ZNF407: variants seen among roughly 807,000 people sequenced by gnomAD.
The protein encoded by ZNF407 is zinc finger protein 407.
In ZNF407, 17 loss-of-function variants were observed where a neutral mutation model predicts 131.2. That is an observed-to-expected ratio of 0.13 (90% CI 0.09 to 0.19). The LOEUF (loss-of-function observed/expected upper bound fraction) is 0.19, where lower values mean the gene tolerates loss of function less well. Ranked by LOEUF, ZNF407 falls within the 10% of genes least tolerant of loss-of-function variation. ZNF407 has a pLI of 1.00. For synonymous variants in ZNF407, 1,156 were observed against 1,062.0 expected (o/e 1.09, Z -1.72); for missense variants, 2,681 against 2,830.6 (o/e 0.95, Z 1.20).
intron 1 of ZNF407, among the ~76,000 whole-genome samples, chr18:74,625,323 G>A (rs1983739612): frequency 6.6e-6 from 1 of 151,506 alleles, no homozygotes; most frequent in Non-Finnish European, 1.5e-5. Context: ...CAGAGTGTTC[G>A]CTCTAAGCAA....
intron 3 of ZNF407, among the ~76,000 whole-genome samples, chr18:74,779,107 A>ATG (rs1164567395): frequency 4.2e-5 from 1 of 23,556 alleles, no homozygotes; most frequent in East Asian, 5.7e-3. Flanking sequence ...ATATATATAT[A>ATG]TATTTTTTTT....
At chr18:74,951,092 C>T (rs1972208396) in intron 8 of ZNF407, among the ~76,000 whole-genome samples, 2 of 152,146 alleles carry the variant, frequency 1.3e-5, no homozygotes, top group African/African-American at 4.8e-5. Flanking sequence ...GGTAGCAGGG[C>T]AGCACACAAG....
chr18:74,713,605 T>C (rs1027031355), intron 3 of ZNF407, among the ~76,000 whole-genome samples: 22 of 152,160 alleles, frequency 1.4e-4, no homozygotes, highest in African/African-American at 5.1e-4. Flanking sequence ...AATAACTCTT[T>C]TGGTTTTATT....
At chr18:74,965,749 G>A (rs1340094750) in intron 8 of ZNF407, among the ~76,000 whole-genome samples, 1 of 152,120 alleles carries the variant, frequency 6.6e-6, no homozygotes, top group Admixed American at 6.5e-5. Flanking sequence ...ACTGTTCTCT[G>A]TAGTGGTTAT....
chr18:74,641,284 T>G (rs564690646), intron 3 of ZNF407, among the ~76,000 whole-genome samples, 162 bp downstream of exon 3: 4 of 152,312 alleles, frequency 2.6e-5, no homozygotes, highest in African/African-American at 9.6e-5. Context: ...AGTTATGACA[T>G]TCTTCTCCCA....
At chr18:74,759,546 C>T (rs1969044406) in intron 3 of ZNF407, among the ~76,000 whole-genome samples, 1 of 151,402 alleles carries the variant, frequency 6.6e-6, no homozygotes, top group African/African-American at 2.4e-5. Context: ...CCTTGTTATT[C>T]TCCTTTTTCA....
chr18:74,654,945 A>T (rs534229582), intron 3 of ZNF407, among the ~76,000 whole-genome samples: 2 of 151,996 alleles, frequency 1.3e-5, no homozygotes, highest in South Asian at 4.2e-4. Flanking sequence ...TTCTTATTTC[A>T]CGTGCTTAGT....
rs987701880 is a variant in ZNF407 at position 74,899,731 on chromosome 18, C to T, written c.5249+9693C>T. On this transcript the variant is annotated intron_variant, in intron 7 of 8. Coordinates refer to ENST00000299687, the MANE Select transcript of ZNF407 (RefSeq NM_017757.3). The stretch of plus-strand genomic sequence containing the variant: ...ACCTCCAGGAAAGAGAGGTGTCATA[C>T]ACCAAGCAAAGAGTGGGCGGCGTGC... Among the ~76,000 whole-genome samples the T allele has an allele frequency of 3.2e-4, 49 of 152,284 alleles. 1 individual carries two copies. Among genetic ancestry groups the T allele is most frequent in the African/African-American group, 1.2e-3 (48 of 41,572 alleles).
intron 8 of ZNF407, among the ~76,000 whole-genome samples, chr18:75,050,498 G>A (rs983920718): frequency 1.1e-4 from 16 of 152,172 alleles, no homozygotes; most frequent in African/African-American, 3.9e-4. Flanking sequence ...TAGCCAAAGG[G>A]TCAGCATCTG....
intron 3 of ZNF407, among the ~76,000 whole-genome samples, chr18:74,695,542 G>GAA (rs577868036): frequency 7.9e-6 from 1 of 126,796 alleles, no homozygotes; most frequent in African/African-American, 2.9e-5. Flanking sequence ...CTGATTTAAA[G>GAA]AAAAAAAAAA....
intron 8 of ZNF407, among the ~76,000 whole-genome samples, chr18:74,964,024 T>A (rs929674143): frequency 1.3e-5 from 2 of 152,198 alleles, no homozygotes; most frequent in African/African-American, 4.8e-5. Flanking sequence ...GGAACAGTAA[T>A]GTCTTTTCCA....
At chr18:74,759,024 C>T (rs565702589) in intron 3 of ZNF407, among the ~76,000 whole-genome samples, 62 of 152,256 alleles carry the variant, frequency 4.1e-4, no homozygotes, top group Non-Finnish European at 8.1e-4. Flanking sequence ...TACAGCAGGT[C>T]TGGCTGATGG....
At chr18:75,030,664 T>C (rs1295042219) in intron 8 of ZNF407, among the ~76,000 whole-genome samples, 3 of 152,176 alleles carry the variant, frequency 2.0e-5, no homozygotes, top group East Asian at 1.9e-4. Flanking sequence ...CTGGAAGTAG[T>C]GGCCACAGAA....
At chr18:74,923,175 A>C (rs1599245851) in intron 8 of ZNF407, among the ~76,000 whole-genome samples, 1 of 152,172 alleles carries the variant, frequency 6.6e-6, no homozygotes, top group South Asian at 2.1e-4. Flanking sequence ...ACTATATGTG[A>C]GTTCTAATTT....
In ZNF407 at chr18:75,063,858, C is replaced by A; in HGVS notation, c.6137C>A (p.Ala2046Asp). The A allele has an allele frequency of 2.5e-6, 4 of 1,610,910 alleles. No homozygotes were observed. The highest frequency in any genetic ancestry group is 3.4e-6 in the Non-Finnish European group (4 of 1,179,440). The change falls in exon 9 of 9, where the codon GCC becomes GAC. Residue 2046 changes from alanine (A) to aspartate (D), a missense_variant. Around this residue, in one of 6 missense-constraint regions of ZNF407, gnomAD observed 620 missense variants for 583.1 expected, o/e 1.06. Transcript: ENST00000299687. The surrounding 1 kb of genome is among the most constrained non-coding windows in gnomAD (Gnocchi z 6.6). ...EAPEIQMFPQ[A>D]QESPAAVEVL... ...CCCGAGATCCAGATGTTCCCACAGG[C>A]CCAGGAGAGCCCGGCCGCCGTGGAG... is the stretch of plus-strand genomic sequence containing the variant.
intron 3 of ZNF407, among the ~76,000 whole-genome samples, chr18:74,661,897 G>C (rs898966920): frequency 6.6e-6 from 1 of 152,022 alleles, no homozygotes; most frequent in South Asian, 2.1e-4. Context: ...CCCCCTTTTC[G>C]TGGCCGTATT....
In ZNF407 at chr18:74,703,363, GTCTC is replaced by G. The variant is rs150401614; in HGVS notation, c.4802+62253_4802+62256del. Among the ~76,000 whole-genome samples, 1 of 151,342 alleles carries G rather than the reference GTCTC, an allele frequency of 6.6e-6. No individual in the cohort carries two copies. ...TCTCCCCATGTGTGTCTCTGTCTCTGTCTCTCTCTCTCTCTTTTCTGAGATGGAG... is the reference window on the plus strand; with the variant it reads ...TCTCCCCATGTGTGTCTCTGTCTCTGTCTCTCTCTCTTTTCTGAGATGGAG... On this transcript the variant is annotated intron_variant, in intron 3 of 8. Transcript: ENST00000299687. The surrounding 1 kb of genome is among the most constrained non-coding windows in gnomAD (Gnocchi z 4.1).
intron 4 of ZNF407, among the ~76,000 whole-genome samples, chr18:74,874,936 G>A (rs899872483): frequency 1.3e-5 from 2 of 151,998 alleles, no homozygotes; most frequent in Admixed American, 6.5e-5. Flanking sequence ...CCCTCTTCTC[G>A]CAGGGTTCAC....
chr18:74,814,030 G>A lies in ZNF407; in HGVS notation c.4877+32528G>A, dbSNP rs148235885. 2.2e-3 allele frequency among the ~76,000 whole-genome samples: 330 copies of A among 152,234 alleles called. 1 individual carries two copies. Among genetic ancestry groups the A allele is most frequent in the Admixed American group, 4.2e-3 (65 of 15,296 alleles). On this transcript the variant is annotated intron_variant, in intron 4 of 8. Transcript: ENST00000299687. Reference sequence around the variant, plus strand: ...GGATGTGTGGTTCCTACCCTTCATGGCATAAGGGCATATTTCATTTCTAGT... The same window carrying A: ...GGATGTGTGGTTCCTACCCTTCATGACATAAGGGCATATTTCATTTCTAGT...
Sources: gnomAD v4.1 joint callset for allele counts (sites outside exome capture counted in the v4.1 genomes callset) on GRCh38, gnomAD v4.1.1 for gene constraint, gnomAD v4.1.1 regional missense constraint, Gnocchi (gnomAD v3.1) non-coding constraint, MANE v1.5 for transcripts, NCBI Gene and HGNC (gene_info 2026-07-23, HGNC 2026-07-21) for gene names.